The following MYO7A variants were observed in gnomAD, a reference collection of about 807,000 sequenced individuals.
MYO7A encodes unconventional myosin-VIIa.
A neutral mutation model predicts 263.8 loss-of-function variants in MYO7A; 210 were observed. The observed-to-expected ratio is 0.80, with a 90% CI of 0.71 to 0.89. The LOEUF (loss-of-function observed/expected upper bound fraction) is 0.89. Among genes scored for constraint, MYO7A ranks in the 40% least tolerant of loss-of-function variants. The pLI is 0.00. For missense variants in MYO7A, 2,820 were observed against 2,968.3 expected, an observed-to-expected ratio of 0.95 and a Z score of 1.16; for synonymous variants, 1,239 against 1,197.3, an observed-to-expected ratio of 1.03 and a Z score of -0.72.
intron 35 of MYO7A, 136 bp from the exon 36 acceptor site, chr11:77,201,312 A>G: frequency 1.2e-6 from 1 of 839,902 alleles, no homozygotes; most frequent in African/African-American, 1.7e-5. Flanking sequence ...TGGTCTCTGT[A>G]TGGAGAGTTG....
chr11:77,190,387 G>A (rs1159987190), intron 29 of MYO7A, among the ~76,000 whole-genome samples: 1 of 152,222 alleles, frequency 6.6e-6, no homozygotes, highest in Non-Finnish European at 1.5e-5. Context: ...GATTCCCTCT[G>A]TGTCTCAATG....
At position 77,203,206 on chromosome 11, in the gene MYO7A, T is replaced by C. The variant is rs1375841914; in HGVS notation, c.5315T>C (p.Leu1772Pro). Residue 1772 changes from leucine (L) to proline (P), a missense_variant, in exon 38 of 49, where the codon CTG (leucine) becomes CCG (proline). Transcript: ENST00000409709. ...GAGGAGCTCTCGCAGGAGGCCTGCCTGGCCTTCATTGATATCCGTGCCACT... is the reference window on the plus strand; with the variant it reads ...GAGGAGCTCTCGCAGGAGGCCTGCCCGGCCTTCATTGATATCCGTGCCACT... Reference protein sequence around the residue: ...GSEELSQEACLAFIAVLKYMG... With the variant: ...GSEELSQEACPAFIAVLKYMG... 1 of 1,553,206 alleles carries C rather than the reference T, an allele frequency of 6.4e-7. No homozygotes were observed. The highest frequency in any genetic ancestry group is 2.4e-5 in the East Asian group (1 of 41,308).
At chr11:77,150,421 G>A (rs1555056575) in intron 4 of MYO7A, among the ~76,000 whole-genome samples, 9 of 152,178 alleles carry the variant, frequency 5.9e-5, no homozygotes, top group Admixed American at 3.3e-4. Context: ...GTAAAATTAG[G>A]AGGGTGGTGA....
Position 77,174,926 on chromosome 11 carries a change from AG to A in MYO7A, c.2094+13del. 6.2e-7 allele frequency: 1 copy of A among 1,610,558 alleles called. No individual in the cohort carries two copies. Among genetic ancestry groups the A allele is most frequent in the Non-Finnish European group, 8.5e-7 (1 of 1,177,390 alleles). ...CGGCCTACAAGCAGGTACAGGGCTG[AG>A]TGCACAGAGGGCAGGAGGGGAGGGT... On this transcript the variant is annotated intron_variant, in intron 17 of 48. Coordinates refer to ENST00000409709, the MANE Select transcript of MYO7A (RefSeq NM_000260.4).
chr11:77,142,417 C>A, intron 2 of MYO7A: 1 of 473,224 alleles, frequency 2.1e-6, no homozygotes, highest in Non-Finnish European at 4.1e-6. Context: ...GGGTGTAGAT[C>A]CATGGGGAGA....
chr11:77,210,406 G>A (rs1343132323), intron 44 of MYO7A, among the ~76,000 whole-genome samples: 4 of 152,134 alleles, frequency 2.6e-5, no homozygotes, highest in African/African-American at 9.7e-5. Context: ...GTGAGTGGGT[G>A]GATGGGTGGG....
intron 40 of MYO7A, 147 bp from the exon 41 acceptor site, chr11:77,205,950 A>G (rs906547333): frequency 3.5e-5 from 25 of 708,148 alleles, no homozygotes; most frequent in Non-Finnish European, 5.6e-5. Context: ...TGAGGAGCTC[A>G]AGGCTCTGGG....
At chr11:77,212,922 C>T in intron 46 of MYO7A, 30 bp from the exon 47 acceptor site, 1 of 1,515,290 alleles carries the variant, frequency 6.6e-7, no homozygotes, top group Admixed American at 1.9e-5. Context: ...TCTGGGCCCC[C>T]ATCTGATGCC....
At chr11:77,174,686 T>C (rs1462153056) in intron 16 of MYO7A, 70 bp from the exon 17 acceptor site, 1 of 1,495,026 alleles carries the variant, frequency 6.7e-7, no homozygotes, top group African/African-American at 1.4e-5. Flanking sequence ...TCTGGGTTGG[T>C]CAAGTGCACA....
chr11:77,134,312 T>C (rs1950851700), intron 2 of MYO7A, among the ~76,000 whole-genome samples: 1 of 152,236 alleles, frequency 6.6e-6, no homozygotes. Flanking sequence ...TGTTCCTTTA[T>C]AGTTCTATCT....
At chr11:77,177,038 A>G (rs1049009062) in intron 18 of MYO7A, among the ~76,000 whole-genome samples, 93 of 152,106 alleles carry the variant, frequency 6.1e-4, no homozygotes, top group African/African-American at 2.1e-3. Context: ...GACGTGGGGA[A>G]CCATGAGGTG....
intron 31 of MYO7A, 73 bp from the exon 32 acceptor site, chr11:77,194,281 A>G: frequency 6.5e-7 from 1 of 1,528,902 alleles, no homozygotes; most frequent in Non-Finnish European, 8.9e-7. Flanking sequence ...AGGGGCCTGG[A>G]GCCTTTGGTG....
At chr11:77,177,527 G>A in intron 18 of MYO7A, 22 bp from the exon 19 acceptor site, 8 of 1,591,658 alleles carry the variant, frequency 5.0e-6, no homozygotes, top group Non-Finnish European at 6.9e-6. Flanking sequence ...GTGGGGCGCT[G>A]CTCAGGAGCT....
chr11:77,205,758 A>T (rs1161085678), intron 40 of MYO7A, 141 bp downstream of exon 40: 1 of 1,176,194 alleles, frequency 8.5e-7, no homozygotes, highest in Non-Finnish European at 1.2e-6. Flanking sequence ...AGCTAGACGG[A>T]GGTGCGGATC....
chr11:77,183,024 C>G, intron 25 of MYO7A, 44 bp from the exon 26 acceptor site: 3 of 1,514,264 alleles, frequency 2.0e-6, no homozygotes, highest in Non-Finnish European at 2.7e-6. Context: ...CTCGACATTG[C>G]TTTCTGCTCA....
At chr11:77,181,115 G>A (rs1346468551) in intron 22 of MYO7A, among the ~76,000 whole-genome samples, 2 of 152,360 alleles carry the variant, frequency 1.3e-5, no homozygotes, top group East Asian at 3.9e-4. Context: ...GGGATGTCTG[G>A]GTTGGTGTGG....
chr11:77,192,865 ATGATGGTGGTGATGGTGGAGGAGGTAG>A (rs1956204365), intron 31 of MYO7A, among the ~76,000 whole-genome samples: 1 of 148,352 alleles, frequency 6.7e-6, no homozygotes, highest in Admixed American at 6.7e-5. Flanking sequence ...GTTGGTAATG[ATGATGGTGGTGATGGTGGAGGAGGTAG>A]TGATGGTGTT....
chr11:77,198,541 G>A lies in MYO7A; in HGVS notation c.4488G>A (p.Thr1496=), dbSNP rs376743356. The A allele has an allele frequency of 4.8e-5, 78 of 1,613,954 alleles. No individual in the cohort carries two copies. Among genetic ancestry groups the A allele is most frequent in the Admixed American group, 2.0e-4 (12 of 60,026 alleles). Residue 1496 remains threonine, a synonymous_variant, in exon 34 of 49, where the codon ACG becomes ACA. Transcript: ENST00000409709. ...ACGTCATCGTGGCCGTCAACTGGAC[G>A]GGTGTGTACTTTGTGGATGAGCAGG... is the stretch of plus-strand genomic sequence containing the variant. ...KNDVIVAVNW[T]GVYFVDEQEQ...
intron 18 of MYO7A, among the ~76,000 whole-genome samples, chr11:77,175,815 G>C (rs1555079754): frequency 6.6e-6 from 1 of 152,240 alleles, no homozygotes; most frequent in Non-Finnish European, 1.5e-5. Flanking sequence ...GTGTGCCTGT[G>C]TGGGGTCTCT....
Sources: allele counts gnomAD v4.1 joint callset (sites outside exome capture counted in the v4.1 genomes callset), GRCh38; gene constraint gnomAD v4.1.1; transcripts MANE v1.5; gene names NCBI Gene and HGNC (gene_info 2026-07-23, HGNC 2026-07-21).